CADM2: variants seen among roughly 807,000 people sequenced by gnomAD.
CADM2 encodes immunoglobulin superfamily member 4D.
CADM2 carries 12 observed loss-of-function variants against 49.8 expected under a neutral mutation model. The observed-to-expected ratio is 0.24, with a 90% CI of 0.15 to 0.39. CADM2 has a LOEUF of 0.39. Among genes scored for constraint, CADM2 ranks in the 10% least tolerant of loss-of-function variants. The pLI is 1.00. For synonymous variants in CADM2, 214 were observed against 175.4 expected, an observed-to-expected ratio of 1.22 and a Z score of -1.74; for missense variants, 378 against 492.3, an observed-to-expected ratio of 0.77 and a Z score of 2.20.
chr3:84,982,297 A>G (rs921974551), intron 1 of CADM2, among the ~76,000 whole-genome samples: 2 of 152,176 alleles, frequency 1.3e-5, no homozygotes, highest in Admixed American at 6.5e-5. Flanking sequence ...TAGACATAAA[A>G]TGGACTCCAA....
chr3:85,975,639 C>T (rs1164832959), intron 8 of CADM2, among the ~76,000 whole-genome samples: 1 of 151,514 alleles, frequency 6.6e-6, no homozygotes, highest in Non-Finnish European at 1.5e-5. Flanking sequence ...TATAATACGA[C>T]ACAATTAATT....
chr3:85,910,113 A>C (rs1717387537), intron 5 of CADM2, among the ~76,000 whole-genome samples: 3 of 152,166 alleles, frequency 2.0e-5, no homozygotes, highest in Admixed American at 6.5e-5. Context: ...TTAATATTAC[A>C]TTAAATGCTA....
At chr3:84,995,962 C>A (rs1443753568) in intron 1 of CADM2, among the ~76,000 whole-genome samples, 1 of 152,092 alleles carries the variant, frequency 6.6e-6, no homozygotes, top group Non-Finnish European at 1.5e-5. Context: ...GGGAATCCAG[C>A]AAACTGATAA....
intron 3 of CADM2, among the ~76,000 whole-genome samples, chr3:85,859,756 C>T (rs1380666040): frequency 2.0e-5 from 3 of 152,140 alleles, no homozygotes; most frequent in African/African-American, 7.2e-5. Context: ...CTCACAGTAC[C>T]TTAAAACATT....
At chr3:85,986,431 CTATTA>C (rs67560912) in intron 8 of CADM2, among the ~76,000 whole-genome samples, 24,904 of 151,826 alleles carry the variant, frequency 0.16, 2,042 homozygotes, top group Admixed American at 0.19. Flanking sequence ...TTATGAGATT[CTATTA>C]TGAGTGTTTA....
At chr3:85,298,611 C>T (rs2044022882) in intron 1 of CADM2, among the ~76,000 whole-genome samples, 1 of 152,078 alleles carries the variant, frequency 6.6e-6, no homozygotes. Flanking sequence ...AAAGCAAAGA[C>T]CAGTTGTCAC....
intron 3 of CADM2, among the ~76,000 whole-genome samples, chr3:85,875,322 C>T (rs1456988627): frequency 2.0e-5 from 3 of 151,968 alleles, no homozygotes; most frequent in African/African-American, 7.3e-5. Context: ...TATGGAGCTA[C>T]CAACAAATAA....
intron 1 of CADM2, among the ~76,000 whole-genome samples, chr3:85,391,768 C>T (rs755923853): frequency 9.2e-5 from 14 of 152,148 alleles, no homozygotes; most frequent in South Asian, 4.1e-4. Flanking sequence ...TCTACTCAGA[C>T]GGTTTAGAAC....
chr3:86,050,136 G>A (rs573047726), intron 8 of CADM2, among the ~76,000 whole-genome samples: 1 of 152,190 alleles, frequency 6.6e-6, no homozygotes, highest in South Asian at 2.1e-4. Context: ...TACAGGTGTT[G>A]TGTAAATACT....
chr3:85,345,452 T>C (rs2030529708), intron 1 of CADM2, among the ~76,000 whole-genome samples: 1 of 150,294 alleles, frequency 6.7e-6, no homozygotes, highest in East Asian at 2.0e-4. Context: ...GTAGAAAAAA[T>C]CAAAATCATT....
intron 1 of CADM2, among the ~76,000 whole-genome samples, chr3:85,677,397 G>A (rs141053956): frequency 3.3e-5 from 5 of 152,236 alleles, no homozygotes; most frequent in South Asian, 2.1e-4. Context: ...TGCAGAGAAA[G>A]AAGAATAACA....
chr3:85,172,241 G>A (rs1296206719), intron 1 of CADM2, among the ~76,000 whole-genome samples: 1 of 152,136 alleles, frequency 6.6e-6, no homozygotes, highest in Non-Finnish European at 1.5e-5. Context: ...ATACTGCCCA[G>A]CCTAAGCTTC....
intron 2 of CADM2, among the ~76,000 whole-genome samples, chr3:85,770,776 C>T (rs2070043163): frequency 6.6e-6 from 1 of 152,102 alleles, no homozygotes; most frequent in African/African-American, 2.4e-5. Flanking sequence ...TAACTAACTT[C>T]CTTTCTCGTT....
rs532117467 is a variant in CADM2 at position 85,539,600 on chromosome 3, G to A, written c.62-186922G>A. Among the ~76,000 whole-genome samples the A allele has an allele frequency of 1.1e-3, 162 of 152,008 alleles. 2 individuals are homozygous for A. Among genetic ancestry groups the A allele is most frequent in the Non-Finnish European group, 1.0e-3 (68 of 67,942 alleles). ...TTCTATTCTGTTGGAACAACACCAG[G>A]TAATTTAATTAAATCCTTATAAATA... On this transcript the variant is annotated intron_variant, in intron 1 of 9. Coordinates refer to ENST00000383699, the MANE Select transcript of CADM2 (RefSeq NM_001167675.2).
chr3:85,404,676 G>A (rs2035288729), intron 1 of CADM2, among the ~76,000 whole-genome samples: 1 of 152,088 alleles, frequency 6.6e-6, no homozygotes, highest in Non-Finnish European at 1.5e-5. Context: ...AAATATAGAA[G>A]TATTGATAAA....
intron 3 of CADM2, among the ~76,000 whole-genome samples, chr3:85,805,012 C>T (rs1309012508): frequency 3.3e-5 from 5 of 152,108 alleles, no homozygotes; most frequent in Non-Finnish European, 7.3e-5. Context: ...ACGATCTTGG[C>T]TCACTGCATC....
At chr3:85,189,309 G>A (rs952676026) in intron 1 of CADM2, among the ~76,000 whole-genome samples, 1 of 151,898 alleles carries the variant, frequency 6.6e-6, no homozygotes, top group African/African-American at 2.4e-5. Flanking sequence ...CATTCCAGGA[G>A]TTGAAGTTGC....
chr3:85,134,215 G>A (rs964737318), intron 1 of CADM2, among the ~76,000 whole-genome samples: 2 of 152,182 alleles, frequency 1.3e-5, no homozygotes, highest in African/African-American at 4.8e-5. Flanking sequence ...AGCGCCGCGC[G>A]CAGCCCCGGT....
At chr3:85,009,123 T>C (rs2033871063) in intron 1 of CADM2, among the ~76,000 whole-genome samples, 1 of 152,186 alleles carries the variant, frequency 6.6e-6, no homozygotes, top group South Asian at 2.1e-4. Flanking sequence ...TGTGGATCCC[T>C]GGGGAAGTTG....
Sources: allele counts gnomAD v4.1 joint callset (sites outside exome capture counted in the v4.1 genomes callset), GRCh38; gene constraint gnomAD v4.1.1; transcripts MANE v1.5; gene names NCBI Gene and HGNC (gene_info 2026-07-23, HGNC 2026-07-21).